Variants in CHRM3 observed in about 807,000 individuals in gnomAD.
CHRM3 encodes the protein muscarinic acetylcholine receptor M3.
CHRM3 carries 11 observed loss-of-function variants against 41.8 expected under a neutral mutation model. The ratio of observed to expected loss-of-function variants is 0.26; its 90% CI spans 0.17 to 0.44. The LOEUF is 0.44. Ranked by LOEUF, CHRM3 falls within the 20% of genes least tolerant of loss-of-function variation. CHRM3 has a pLI of 1.00. For synonymous variants in CHRM3, 297 were observed against 301.4 expected, an observed-to-expected ratio of 0.99 and a Z score of 0.15; for missense variants, 571 against 745.4, an observed-to-expected ratio of 0.77 and a Z score of 2.72.
intron 5 of CHRM3, among the ~76,000 whole-genome samples, chr1:239,801,034 T>G (rs1050796336): frequency 6.6e-6 from 1 of 152,180 alleles, no homozygotes; most frequent in Non-Finnish European, 1.5e-5. Context: ...CTAGTCCTAA[T>G]GAGGAAACGG....
At chr1:239,504,262 G>A (rs1295893956) in intron 2 of CHRM3, among the ~76,000 whole-genome samples, 2 of 152,146 alleles carry the variant, frequency 1.3e-5, no homozygotes, top group Non-Finnish European at 2.9e-5. Context: ...CTGAGGACAT[G>A]CATAGGCAAT....
intron 1 of CHRM3, among the ~76,000 whole-genome samples, chr1:239,455,616 GA>G (rs1664875009): frequency 6.6e-6 from 1 of 152,006 alleles, no homozygotes; most frequent in Non-Finnish European, 1.5e-5. Flanking sequence ...TTTACAGATA[GA>G]AAAAAGCTTA....
intron 5 of CHRM3, among the ~76,000 whole-genome samples, chr1:239,764,201 T>C (rs1667026473): frequency 6.6e-6 from 1 of 152,166 alleles, no homozygotes; most frequent in South Asian, 2.1e-4. Flanking sequence ...TGTGCCACCT[T>C]CATTAATGTG....
chr1:239,701,790 C>T (rs145676538), intron 5 of CHRM3, among the ~76,000 whole-genome samples: 6 of 152,248 alleles, frequency 3.9e-5, no homozygotes, highest in East Asian at 3.9e-4. Flanking sequence ...CTCCGATCGC[C>T]GTAGGTATGT....
intron 2 of CHRM3, among the ~76,000 whole-genome samples, chr1:239,512,895 G>T (rs907281048): frequency 6.6e-6 from 1 of 152,122 alleles, no homozygotes; most frequent in East Asian, 1.9e-4. Flanking sequence ...TTTTGGGCCT[G>T]CTTGGTCATA....
intron 1 of CHRM3, among the ~76,000 whole-genome samples, chr1:239,460,732 A>G (rs963712857): frequency 6.6e-6 from 1 of 152,226 alleles, no homozygotes; most frequent in African/African-American, 2.4e-5. Flanking sequence ...ATGAGTTAAC[A>G]CTATCAATTT....
intron 1 of CHRM3, among the ~76,000 whole-genome samples, chr1:239,446,747 G>C (rs918737331): frequency 6.6e-6 from 1 of 152,124 alleles, no homozygotes; most frequent in East Asian, 1.9e-4. Context: ...TATGATAAAG[G>C]CAATGTGCAT....
At chr1:239,773,502 G>T (rs952179724) in intron 5 of CHRM3, among the ~76,000 whole-genome samples, 2 of 152,110 alleles carry the variant, frequency 1.3e-5, no homozygotes, top group Non-Finnish European at 2.9e-5. Flanking sequence ...TACTATGTTG[G>T]GTTTCATTCC....
chr1:239,619,530 C>T (rs1436432711), intron 3 of CHRM3, among the ~76,000 whole-genome samples: 1 of 152,176 alleles, frequency 6.6e-6, no homozygotes, highest in Non-Finnish European at 1.5e-5. Context: ...ATTTTCTAAT[C>T]AATTCCAAAG....
chr1:239,907,494 A>G lies in CHRM3; in HGVS notation c.43A>G (p.Asn15Asp). 6.2e-7 allele frequency: 1 copy of G among 1,614,134 alleles called. No homozygotes were observed. The highest frequency in any genetic ancestry group is 2.2e-5 in the East Asian group (1 of 44,876). The change falls in exon 7 of 7, where the codon AAC becomes GAC. Residue 15 changes from asparagine to aspartate, a missense_variant. Transcript: ENST00000676153. The surrounding 1 kb of genome is among the most constrained non-coding windows in gnomAD (Gnocchi z 5.4). ...NNSTTSPLFP[N>D]ISSSWIHSPS... is the part of the protein sequence containing the mutation. The stretch of plus-strand genomic sequence containing the variant: ...CAGTACAACCTCGCCTTTGTTTCCA[A>G]ACATCAGCTCCTCCTGGATACACAG...
At chr1:239,682,605 G>A (rs777024493) in intron 5 of CHRM3, among the ~76,000 whole-genome samples, 21 of 151,112 alleles carry the variant, frequency 1.4e-4, no homozygotes, top group African/African-American at 2.2e-4. Context: ...GAGAGTTTCC[G>A]TAAAACTGAC....
intron 6 of CHRM3, among the ~76,000 whole-genome samples, chr1:239,872,741 CT>C (rs1390133273): frequency 1.3e-5 from 2 of 152,142 alleles, no homozygotes; most frequent in Admixed American, 1.3e-4. Context: ...TCAAGTGAGA[CT>C]GCAGAGTATT....
intron 1 of CHRM3, among the ~76,000 whole-genome samples, chr1:239,434,251 C>T (rs1053998921): frequency 2.6e-5 from 4 of 152,158 alleles, no homozygotes; most frequent in African/African-American, 9.7e-5. Context: ...TGTTTCTGAA[C>T]AAGTCTCTCT....
intron 1 of CHRM3, among the ~76,000 whole-genome samples, chr1:239,460,620 C>G (rs1665286692): frequency 6.6e-6 from 1 of 151,924 alleles, no homozygotes; most frequent in Admixed American, 6.6e-5. Flanking sequence ...CACCTTCTTC[C>G]AAAGATAATT....
chr1:239,659,559 T>C (rs10925945), intron 4 of CHRM3, among the ~76,000 whole-genome samples: 6,782 of 152,310 alleles, frequency 0.045, 176 homozygotes, highest in East Asian at 0.077. Context: ...TTTGAGGTTA[T>C]TGAGCACTTG....
intron 6 of CHRM3, among the ~76,000 whole-genome samples, chr1:239,828,527 C>T (rs1672646174): frequency 6.6e-6 from 1 of 152,082 alleles, no homozygotes; most frequent in Non-Finnish European, 1.5e-5. Flanking sequence ...AATATAATAA[C>T]ATTTAAGCAA....
At chr1:239,624,790 GT>G (rs1259372689) in intron 3 of CHRM3, among the ~76,000 whole-genome samples, 5 of 46,582 alleles carry the variant, frequency 1.1e-4, no homozygotes, top group Non-Finnish European at 2.0e-4. Context: ...TCTCAGGTTT[GT>G]CAAAGATCAG....
chr1:239,856,414 G>A (rs551232981), intron 6 of CHRM3, among the ~76,000 whole-genome samples: 1 of 152,122 alleles, frequency 6.6e-6, no homozygotes, highest in East Asian at 1.9e-4. Context: ...TTAAAAGTGG[G>A]TAGCACTTCC....
intron 1 of CHRM3, among the ~76,000 whole-genome samples, chr1:239,422,670 C>T (rs937862250): frequency 1.1e-4 from 17 of 151,874 alleles, no homozygotes; most frequent in Admixed American, 5.2e-4. Flanking sequence ...TGGCGTGTGC[C>T]TGTAGTCCCA....
Sources: allele counts gnomAD v4.1 joint callset (sites outside exome capture counted in the v4.1 genomes callset), GRCh38; gene constraint gnomAD v4.1.1; non-coding constraint Gnocchi (gnomAD v3.1); transcripts MANE v1.5; gene names NCBI Gene and HGNC (gene_info 2026-07-23, HGNC 2026-07-21).